The following EZH2 variants were observed in gnomAD, a reference collection of about 807,000 sequenced individuals.
The protein encoded by EZH2 is enhancer of zeste 2 polycomb repressive complex 2 subunit.
EZH2 carries 18 observed loss-of-function variants against 98.4 expected under a neutral mutation model. That is an observed-to-expected ratio of 0.18 (90% CI 0.13 to 0.27). EZH2 has a LOEUF of 0.27. EZH2 is among the 10% of genes least tolerant of loss of function. The probability of loss-of-function intolerance (pLI) is 1.00; values close to 1 mark genes in which losing one functional copy is unlikely to be tolerated. For synonymous variants in EZH2, 338 were observed against 312.3 expected (o/e 1.08, Z -0.87); for missense variants, 470 against 935.1 (o/e 0.50, Z 6.49).
intron 7 of EZH2, 108 bp from the exon 8 acceptor site, chr7:148,826,740 A>C: frequency 1.2e-6 from 1 of 866,676 alleles, no homozygotes; most frequent in African/African-American, 1.7e-5. Context: ...ATCTTGCCTA[A>C]AACATAAAGG....
At chr7:148,861,631 A>T (rs1563055957) in intron 1 of EZH2, among the ~76,000 whole-genome samples, 1 of 152,128 alleles carries the variant, frequency 6.6e-6, no homozygotes, top group Non-Finnish European at 1.5e-5. Flanking sequence ...TGTACCTAAT[A>T]TAAATAACAC....
chr7:148,830,247 C>T (rs570704750), intron 4 of EZH2, among the ~76,000 whole-genome samples: 3 of 152,168 alleles, frequency 2.0e-5, no homozygotes, highest in Non-Finnish European at 4.4e-5. Context: ...TCTCGAACTC[C>T]TGAGCTCAAG....
chr7:148,817,726 G>C, intron 10 of EZH2, 151 bp downstream of exon 10: 1 of 1,148,272 alleles, frequency 8.7e-7, no homozygotes, highest in Admixed American at 2.1e-5. Flanking sequence ...GCAGGAAACA[G>C]AAACAACACA....
chr7:148,881,660 G>A (rs1820972677), intron 1 of EZH2, among the ~76,000 whole-genome samples: 2 of 152,066 alleles, frequency 1.3e-5, no homozygotes, highest in South Asian at 4.1e-4. Context: ...TCCTAGGCTG[G>A]GCGTGGTGGC....
At chr7:148,874,515 G>C (rs1014739189) in intron 1 of EZH2, among the ~76,000 whole-genome samples, 3 of 152,172 alleles carry the variant, frequency 2.0e-5, no homozygotes, top group African/African-American at 7.2e-5. Context: ...ACAGCCATGA[G>C]AAGACTGAGG....
At chr7:148,854,203 T>C (rs1266497005) in intron 1 of EZH2, among the ~76,000 whole-genome samples, 1 of 152,154 alleles carries the variant, frequency 6.6e-6, no homozygotes, top group African/African-American at 2.4e-5. Context: ...CCCAGCACTT[T>C]GGGAGGCCAA....
intron 15 of EZH2, among the ~76,000 whole-genome samples, chr7:148,812,349 G>A (rs1336229487): frequency 3.3e-5 from 5 of 152,150 alleles, no homozygotes; most frequent in Admixed American, 3.3e-4. Context: ...GATGATCATT[G>A]CTATAAATTA....
At position 148,828,837 on chromosome 7, in the gene EZH2, A is replaced by G. The variant is rs1808498465; in HGVS notation, c.528T>C (p.Asn176=). The G allele has an allele frequency of 6.2e-7, 1 of 1,613,590 alleles. No individual in the cohort carries two copies. Among genetic ancestry groups the G allele is most frequent in the Admixed American group, 1.7e-5 (1 of 59,930 alleles). ...CATCATCATTATATTGACCAAGGGC[A>G]TTCACCAACTCCACAAAAATTTCAT... ...INDEIFVELV[N]ALGQYNDDDD... is the part of the protein sequence containing the mutation. Residue 176 remains asparagine (N), a synonymous_variant, in exon 6 of 20, where the codon AAT becomes AAC. Transcript: ENST00000320356.
chr7:148,852,532 G>A (rs373090920), intron 1 of EZH2, among the ~76,000 whole-genome samples: 16 of 152,198 alleles, frequency 1.1e-4, no homozygotes, highest in African/African-American at 3.6e-4. Context: ...GCCACAATCA[G>A]TGCAGTCACA....
rs1801768686 is a variant in EZH2 at position 148,807,464 on chromosome 7, T to C, written c.*182A>G. 3 of 597,872 alleles carry C rather than the reference T, an allele frequency of 5.0e-6. No homozygotes were observed. The East Asian group carries it at 8.4e-5, about 17-fold the overall frequency. 37.0% of individuals were successfully genotyped at this position (597,872 alleles called of 1,614,324 possible). A position where few individuals can be genotyped will look rare whatever the true frequency, so the allele number is the denominator to read the frequency against. ...CAAAAATTCACTGGTACAAAACACT[T>C]TGCAGCTGGTGAGAAGGCAATAAAA... On this transcript the variant is annotated 3_prime_UTR_variant, in exon 20 of 20. Transcript: ENST00000320356.
chr7:148,879,083 G>A (rs1004411133), intron 1 of EZH2, among the ~76,000 whole-genome samples: 1 of 151,148 alleles, frequency 6.6e-6, no homozygotes, highest in African/African-American at 2.4e-5. Flanking sequence ...AAATTAGCCA[G>A]GTGTGGTGGT....
chr7:148,869,854 TAA>T (rs1195503648), intron 1 of EZH2, among the ~76,000 whole-genome samples: 1 of 152,200 alleles, frequency 6.6e-6, no homozygotes, highest in African/African-American at 2.4e-5. Context: ...ACAACTAGTA[TAA>T]TGGCAGAGCC....
chr7:148,861,375 C>T (rs906748380), intron 1 of EZH2, among the ~76,000 whole-genome samples: 2 of 151,864 alleles, frequency 1.3e-5, no homozygotes, highest in African/African-American at 4.8e-5. Flanking sequence ...TACAGGCACA[C>T]ACTACCATGC....
chr7:148,850,631 G>A (rs1258328328), intron 1 of EZH2, among the ~76,000 whole-genome samples: 1 of 152,100 alleles, frequency 6.6e-6, no homozygotes, highest in African/African-American at 2.4e-5. Context: ...ACATTTTCAT[G>A]TATTTCACTC....
rs377467108 is a variant in EZH2, at chr7:148,827,254, C to T, written c.638G>A (p.Arg213His). Residue 213 changes from arginine to histidine, a missense_variant, in exon 7 of 20, where the codon CGC becomes CAC. Transcript: ENST00000320356. ...LEDHRDDKES[R>H]PPRKFPSDKI... ...ATCAGAAGGAAATTTCCGAGGTGGG[C>T]GGCTTTCTTTATCTAAACAGGAGAA... 6.9e-5 allele frequency: 111 copies of T among 1,612,768 alleles called. No homozygotes were observed. The East Asian group carries it at 2.0e-3, about 29-fold the overall frequency.
At chr7:148,807,923 G>A (rs932499810) in intron 19 of EZH2, among the ~76,000 whole-genome samples, 5 of 151,652 alleles carry the variant, frequency 3.3e-5, no homozygotes, top group Admixed American at 2.0e-4. Flanking sequence ...TAATTGAGAC[G>A]CTGCCAAGTT....
intron 12 of EZH2, 90 bp downstream of exon 12, chr7:148,816,593 TA>T: frequency 2.2e-6 from 2 of 893,396 alleles, no homozygotes; most frequent in Non-Finnish European, 3.6e-6. Flanking sequence ...AAAAATAGAC[TA>T]AGTAGAAACC....
intron 15 of EZH2, 113 bp from the exon 16 acceptor site, chr7:148,811,833 T>G: frequency 1.1e-6 from 1 of 874,538 alleles, no homozygotes; most frequent in South Asian, 1.6e-5. Flanking sequence ...TCAGACCTGT[T>G]TGTTCTAAGG....
chr7:148,813,060 C>G (rs922530308), intron 15 of EZH2, among the ~76,000 whole-genome samples: 1 of 141,040 alleles, frequency 7.1e-6, no homozygotes, highest in South Asian at 2.2e-4. Flanking sequence ...CATACACACA[C>G]ACACACACAC....
Sources: allele counts gnomAD v4.1 joint callset (sites outside exome capture counted in the v4.1 genomes callset), GRCh38; gene constraint gnomAD v4.1.1; transcripts MANE v1.5; gene names NCBI Gene and HGNC (gene_info 2026-07-23, HGNC 2026-07-21).